TMEM14B: variants seen among roughly 807,000 people sequenced by gnomAD.
TMEM14B encodes the protein transmembrane protein 14B.
In TMEM14B, 9 loss-of-function variants were observed where a neutral mutation model predicts 14.8. The ratio of observed to expected loss-of-function variants is 0.61; its 90% confidence interval spans 0.37 to 1.06. TMEM14B has a LOEUF of 1.06. Among genes scored for constraint, TMEM14B ranks in the 50% least tolerant of loss-of-function variants. The pLI is 0.01. For missense variants in TMEM14B, 128 were observed against 143.6 expected, an observed-to-expected ratio of 0.89 and a Z score of 0.56; for synonymous variants, 40 against 51.3, an observed-to-expected ratio of 0.78 and a Z score of 0.94.
At position 10,755,233 on chromosome 6, in the gene TMEM14B, G is replaced by A. The variant is rs562231062; in HGVS notation, c.293+1G>A. 1.6e-4 allele frequency: 252 copies of A among 1,614,108 alleles called. 4 individuals are homozygous for A. The South Asian group carries it at 2.6e-3, about 17-fold the overall frequency. ...CTGTAGGTTTAATTGCAGGTGCCAG[G>A]TACTTTCATTCTATTACTCTTCTTT... On this transcript the variant is annotated splice_donor_variant, in intron 5 of 5. Coordinates refer to ENST00000379542, the MANE Select transcript of TMEM14B (RefSeq NM_030969.5). LOFTEE classifies it high-confidence loss of function.
At chr6:10,754,101 G>A (rs1219223204) in intron 4 of TMEM14B, among the ~76,000 whole-genome samples, 5 of 152,070 alleles carry the variant, frequency 3.3e-5, no homozygotes, top group Admixed American at 3.3e-4. Flanking sequence ...GGTGAAACCC[G>A]GTCTCCACTA....
intron 5 of TMEM14B, 78 bp downstream of exon 5, chr6:10,755,310 T>C: frequency 6.2e-7 from 1 of 1,603,198 alleles, no homozygotes; most frequent in Non-Finnish European, 8.5e-7. Context: ...TTCAAAACCT[T>C]ACTTGTTTCA....
intron 4 of TMEM14B, among the ~76,000 whole-genome samples, chr6:10,753,357 G>A (rs976629232): frequency 1.3e-5 from 2 of 152,166 alleles, no homozygotes; most frequent in South Asian, 4.1e-4. Context: ...ACCTGTGTTT[G>A]TACAAAATCC....
At position 10,755,210 on chromosome 6, in the gene TMEM14B, G is replaced by A. The variant is rs764676938; in HGVS notation, c.271G>A (p.Val91Ile). The change falls in exon 5 of 6, where the codon GTA (valine) becomes ATA (isoleucine). Residue 91 changes from valine to isoleucine, a missense_variant. By Grantham distance (29) the Val-to-Ile change is conservative. Coordinates refer to ENST00000379542, the MANE Select transcript of TMEM14B (RefSeq NM_030969.5). ...CTACTACTATGGAAAATTCATGCCT[G>A]TAGGTTTAATTGCAGGTGCCAGGTA... The part of the protein sequence containing the change: ...RSYYYGKFMP[V>I]GLIAGASLLM... 1.1e-5 allele frequency: 18 copies of A among 1,614,098 alleles called. No individual in the cohort carries two copies. In the African/African-American group the frequency reaches 1.7e-4, roughly 16 times the overall value.
At chr6:10,755,530 A>G in intron 5 of TMEM14B, 1 of 1,362,022 alleles carries the variant, frequency 7.3e-7, no homozygotes, top group South Asian at 2.1e-5. Context: ...CTTGCGGAGG[A>G]TGTGTGGGGG....
downstream of TMEM14B, among the ~76,000 whole-genome samples, chr6:10,757,742 A>G (rs1035000921): frequency 3.3e-5 from 5 of 152,138 alleles, no homozygotes; most frequent in Non-Finnish European, 7.4e-5. Context: ...TGTAGTGCCA[A>G]CACTTTGGGA....
intron 4 of TMEM14B, among the ~76,000 whole-genome samples, chr6:10,751,845 G>C (rs183549588): frequency 6.6e-6 from 1 of 152,110 alleles, no homozygotes; most frequent in South Asian, 2.1e-4. Context: ...TGAGCAGCAC[G>C]GACAGTGAGG....
intron 4 of TMEM14B, among the ~76,000 whole-genome samples, chr6:10,754,872 G>A (rs113933882): frequency 4.5e-4 from 69 of 152,328 alleles, no homozygotes; most frequent in African/African-American, 1.6e-3. Flanking sequence ...CTAACACATT[G>A]ATGGCTAAAG....
At chr6:10,755,771 A>G (rs898609353) in intron 5 of TMEM14B, 16 of 578,372 alleles carry the variant, frequency 2.8e-5, no homozygotes, top group Non-Finnish European at 3.3e-5. Flanking sequence ...CCTGGCCAAC[A>G]TGGTGAAACT....
At chr6:10,752,337 C>G (rs766521960) in intron 4 of TMEM14B, among the ~76,000 whole-genome samples, 19 of 151,930 alleles carry the variant, frequency 1.3e-4, no homozygotes, top group Non-Finnish European at 2.2e-4. Flanking sequence ...TCTCCCTGAC[C>G]GTCTCCAGAC....
downstream of TMEM14B, among the ~76,000 whole-genome samples, chr6:10,758,485 G>T (rs576053278): frequency 1.3e-5 from 2 of 152,310 alleles, no homozygotes; most frequent in African/African-American, 4.8e-5. Flanking sequence ...CCTCATCCCT[G>T]CTTCTCTGCA....
rs1441778463 is a variant in TMEM14B, at chr6:10,756,619, G to C, written c.*101G>C. 1.4e-6 allele frequency: 2 copies of C among 1,470,440 alleles called. No individual in the cohort carries two copies. Among genetic ancestry groups the C allele is most frequent in the East Asian group, 5.0e-5 (2 of 39,978 alleles). 91.1% of individuals were successfully genotyped at this position (1,470,440 alleles called of 1,614,324 possible). A position where few individuals can be genotyped will look rare whatever the true frequency, so the allele number is the denominator to read the frequency against. ...AAATAAGTGCAGCATTTTTGCATCT[G>C]ACATTTTACCTAAAAAAAAAAAGAC... On this transcript the variant is annotated 3_prime_UTR_variant, in exon 6 of 6. Coordinates refer to ENST00000379542, the MANE Select transcript of TMEM14B (RefSeq NM_030969.5).
At chr6:10,755,864 G>C (rs144442981) in intron 5 of TMEM14B, 50 of 171,826 alleles carry the variant, frequency 2.9e-4, no homozygotes, top group Non-Finnish European at 2.6e-4. Flanking sequence ...CGAGGCAGGA[G>C]ACTTGCTTGA....
chr6:10,753,177 G>A (rs377234536), intron 4 of TMEM14B, among the ~76,000 whole-genome samples: 7 of 151,960 alleles, frequency 4.6e-5, no homozygotes, highest in African/African-American at 7.3e-5. Flanking sequence ...TGGAGGTCGC[G>A]GTGAGCCGAG....
In TMEM14B at chr6:10,751,123, T is replaced by C; in HGVS notation, c.101-10T>C. The stretch of plus-strand genomic sequence containing the variant: ...ACATTACAATGCAAGCTGCGTTTGC[T>C]TCCTTCTAGGCAGCGTGCCGTCCCT... On this transcript the variant is annotated splice_polypyrimidine_tract_variant and intron_variant, in intron 3 of 5. Transcript: ENST00000379542. 6.2e-7 allele frequency: 1 copy of C among 1,613,190 alleles called. No individual in the cohort carries two copies. Among genetic ancestry groups the C allele is most frequent in the Non-Finnish European group, 8.5e-7 (1 of 1,179,868 alleles).
chr6:10,758,947 T>C (rs1239030067), downstream of TMEM14B: 1 of 145,722 alleles, frequency 6.9e-6, no homozygotes, highest in Non-Finnish European at 1.4e-5. Flanking sequence ...AGATGGAGTA[T>C]GGCTCTTGTT....
downstream of TMEM14B, among the ~76,000 whole-genome samples, chr6:10,757,579 G>A (rs192111384): frequency 6.6e-6 from 1 of 152,254 alleles, no homozygotes; most frequent in African/African-American, 2.4e-5. Context: ...CCTAGTTTGG[G>A]CTCTACATTG....
Position 10,749,627 on chromosome 6 carries a change from C to G in TMEM14B, c.29C>G (p.Pro10Arg). The change falls in exon 3 of 6, where the codon CCT becomes CGT. Residue 10 changes from proline (P) to arginine (R), a missense_variant. Transcript: ENST00000379542. ...GACTTCTCTTGTGTTTTCAGAGTGC[C>G]TTTGCATTGGTTTGGCTTTGGCTAC... MEKPLFPLV[P>R]LHWFGFGYTA... 6.2e-7 allele frequency: 1 copy of G among 1,614,222 alleles called. No individual in the cohort carries two copies. The highest frequency in any genetic ancestry group is 1.1e-5 in the South Asian group (1 of 91,082).
At chr6:10,757,395 A>G (rs914062906), downstream of TMEM14B, among the ~76,000 whole-genome samples, 3 of 152,172 alleles carry the variant, frequency 2.0e-5, no homozygotes, top group African/African-American at 4.8e-5. Context: ...TCCTGGTCTC[A>G]TGCGATTCTC....
Sources: gnomAD v4.1 joint callset for allele counts (sites outside exome capture counted in the v4.1 genomes callset) on GRCh38, gnomAD v4.1.1 for gene constraint, MANE v1.5 for transcripts, NCBI Gene and HGNC (gene_info 2026-07-23, HGNC 2026-07-21) for gene names.